GLI3: variants seen among roughly 807,000 people sequenced by gnomAD.
GLI3 encodes the protein GLI family zinc finger 3, also known as transcription activator GLI3.
A neutral mutation model predicts 100.8 loss-of-function variants in GLI3; 20 were observed. The observed-to-expected ratio is 0.20, with a 90% confidence interval of 0.14 to 0.29. The LOEUF (loss-of-function observed/expected upper bound fraction) is 0.29. GLI3 is among the 10% of genes least tolerant of loss of function. The pLI is 1.00. For missense variants in GLI3, 2,040 were observed against 2,128.5 expected (o/e 0.96, Z 0.82); for synonymous variants, 938 against 860.5 (o/e 1.09, Z -1.58).
chr7:42,025,535 T>G (rs541319060), intron 8 of GLI3, among the ~76,000 whole-genome samples, 158 bp from the exon 9 acceptor site: 1 of 152,246 alleles, frequency 6.6e-6, no homozygotes, highest in Admixed American at 6.5e-5. Flanking sequence ...AGAGTTCAGA[T>G]AGTATGTTCA....
At chr7:42,082,517 G>A (rs1247119259) in intron 3 of GLI3, among the ~76,000 whole-genome samples, 4 of 152,052 alleles carry the variant, frequency 2.6e-5, no homozygotes, top group Non-Finnish European at 2.9e-5. Context: ...TACCGTGAGC[G>A]GAATCTAAGA....
At chr7:42,045,610 T>C in intron 5 of GLI3, 80 bp from the exon 6 acceptor site, 1 of 1,297,196 alleles carries the variant, frequency 7.7e-7, no homozygotes, top group East Asian at 2.3e-5. Context: ...TCAGAGTCCA[T>C]TACACAACCC....
intron 7 of GLI3, among the ~76,000 whole-genome samples, chr7:42,037,559 T>C (rs1286826991): frequency 6.6e-6 from 1 of 152,172 alleles, no homozygotes; most frequent in Admixed American, 6.5e-5. Context: ...TGTGTAAGAA[T>C]AGACATATAG....
intron 2 of GLI3, among the ~76,000 whole-genome samples, chr7:42,154,808 G>A (rs2128790429): frequency 6.6e-6 from 1 of 152,354 alleles, no homozygotes. Context: ...AATGTCTAGA[G>A]CTTGGCTTCC....
chr7:42,161,067 C>A (rs982134315), intron 2 of GLI3, among the ~76,000 whole-genome samples: 2 of 152,054 alleles, frequency 1.3e-5, no homozygotes, highest in South Asian at 2.1e-4. Context: ...GAAATTTTCC[C>A]GAGGAATACA....
At chr7:42,120,894 G>A (rs77844718) in intron 3 of GLI3, among the ~76,000 whole-genome samples, 4,291 of 152,152 alleles carry the variant, frequency 0.028, 202 homozygotes, top group African/African-American at 0.098. Flanking sequence ...TTGGATTGCC[G>A]CCTGCAAACC....
intron 3 of GLI3, among the ~76,000 whole-genome samples, chr7:42,142,912 G>T (rs1045669007): frequency 1.4e-5 from 2 of 146,320 alleles, no homozygotes; most frequent in African/African-American, 5.1e-5. Context: ...GCACAGCCTG[G>T]GCGAGAGCAA....
At chr7:42,197,594 C>A (rs1379350807) in intron 2 of GLI3, among the ~76,000 whole-genome samples, 1 of 152,212 alleles carries the variant, frequency 6.6e-6, no homozygotes, top group Non-Finnish European at 1.5e-5. Flanking sequence ...TGTCGTGCTA[C>A]TGGAGCACGG....
At chr7:42,143,724 T>C (rs1786629666) in intron 3 of GLI3, among the ~76,000 whole-genome samples, 1 of 152,230 alleles carries the variant, frequency 6.6e-6, no homozygotes, top group South Asian at 2.1e-4. Context: ...AGTTCTGTCA[T>C]CTGAGCTGGG....
intron 2 of GLI3, among the ~76,000 whole-genome samples, chr7:42,170,590 G>T (rs1184897342): frequency 6.6e-6 from 1 of 151,644 alleles, no homozygotes; most frequent in Non-Finnish European, 1.5e-5. Context: ...TTGTAATAGG[G>T]ACGAGGTTTC....
At chr7:42,172,752 T>C (rs1787402227) in intron 2 of GLI3, 2 of 637,084 alleles carry the variant, frequency 3.1e-6, no homozygotes, top group Non-Finnish European at 5.7e-6. Context: ...GTTAACACAT[T>C]TCATTACTTG....
At chr7:42,188,592 T>C (rs989948556) in intron 2 of GLI3, among the ~76,000 whole-genome samples, 1 of 151,900 alleles carries the variant, frequency 6.6e-6, no homozygotes, top group African/African-American at 2.4e-5. Flanking sequence ...TTGCCAAAAC[T>C]TGGAAACAAC....
chr7:42,124,271 C>T (rs1786073227), intron 3 of GLI3, among the ~76,000 whole-genome samples: 1 of 152,198 alleles, frequency 6.6e-6, no homozygotes, highest in Non-Finnish European at 1.5e-5. Flanking sequence ...GTCTTTTTCC[C>T]TGACTAAACT....
At chr7:42,068,993 T>C (rs746802414) in intron 4 of GLI3, among the ~76,000 whole-genome samples, 1 of 152,140 alleles carries the variant, frequency 6.6e-6, no homozygotes, top group Admixed American at 6.5e-5. Context: ...AGTGGAAGCA[T>C]TGTACTCAAA....
intron 3 of GLI3, among the ~76,000 whole-genome samples, chr7:42,130,769 G>A (rs1040118122): frequency 6.6e-6 from 1 of 152,006 alleles, no homozygotes; most frequent in Non-Finnish European, 1.5e-5. Flanking sequence ...AGATTCAAAT[G>A]GTCCATGAAG....
Position 42,040,238 on chromosome 7 carries a change from G to A in GLI3, c.828C>T (p.Ser276=). ...IHMEYLHAMD[S]TRFSSPRLSA... ...ACAGCCTGGGGCTGGAGAATCTGGT[G>A]CCTGTTATATAAACAAAAAAGAACC... The change falls in exon 7 of 15, where the codon AGC becomes AGT. Residue 276 remains serine, a splice_region_variant and synonymous_variant. Coordinates refer to ENST00000395925, the MANE Select transcript of GLI3 (RefSeq NM_000168.6). 1.2e-6 allele frequency: 2 copies of A among 1,610,998 alleles called. No individual in the cohort carries two copies. Among genetic ancestry groups the A allele is most frequent in the Non-Finnish European group, 1.7e-6 (2 of 1,177,234 alleles).
At chr7:42,165,164 G>A (rs1205635887) in intron 2 of GLI3, among the ~76,000 whole-genome samples, 2 of 149,280 alleles carry the variant, frequency 1.3e-5, no homozygotes, top group African/African-American at 2.5e-5. Context: ...CTGGGCAACA[G>A]AGTGAAACTG....
rs1250730627 is a variant in GLI3, at chr7:41,962,782, C to G, written c.*1548G>C. On this transcript the variant is annotated 3_prime_UTR_variant, in exon 15 of 15. Coordinates refer to ENST00000395925, the MANE Select transcript of GLI3 (RefSeq NM_000168.6). ...TGGCAAGATTAAAGGGGAAAAGCCA[C>G]ATAATTGAATTATCAATCACTTGCA... 6.6e-6 allele frequency: 1 copy of G among 152,210 alleles called. No individual in the cohort carries two copies. Among genetic ancestry groups the G allele is most frequent in the Non-Finnish European group, 1.5e-5 (1 of 68,050 alleles). 9.4% of individuals were successfully genotyped at this position (152,210 alleles called of 1,614,324 possible).
chr7:42,179,545 G>A (rs1787549501), intron 2 of GLI3, among the ~76,000 whole-genome samples: 1 of 152,190 alleles, frequency 6.6e-6, no homozygotes, highest in Admixed American at 6.6e-5. Context: ...AAGGATGGTG[G>A]TGAGGAAACT....
Sources: allele counts gnomAD v4.1 joint callset (sites outside exome capture counted in the v4.1 genomes callset), GRCh38; gene constraint gnomAD v4.1.1; transcripts MANE v1.5; gene names NCBI Gene and HGNC (gene_info 2026-07-23, HGNC 2026-07-21).